The following DPY19L1 variants were observed in gnomAD, a reference collection of about 807,000 sequenced individuals.
DPY19L1 encodes the protein dpy-19 like C-mannosyltransferase 1.
A neutral mutation model predicts 96.9 loss-of-function variants in DPY19L1; 35 were observed. The observed-to-expected ratio is 0.36, with a 90% confidence interval of 0.28 to 0.48. The LOEUF (loss-of-function observed/expected upper bound fraction) is 0.48. DPY19L1 is among the 20% of genes least tolerant of loss of function. The probability of loss-of-function intolerance (pLI) is 0.99; values close to 1 mark genes in which losing one functional copy is unlikely to be tolerated. For missense variants in DPY19L1, 521 were observed against 777.9 expected, an observed-to-expected ratio of 0.67 and a Z score of 3.93; for synonymous variants, 205 against 252.6, an observed-to-expected ratio of 0.81 and a Z score of 1.79.
intron 4 of DPY19L1, among the ~76,000 whole-genome samples, chr7:35,011,939 T>C (rs1256278704): frequency 6.6e-6 from 1 of 152,226 alleles, no homozygotes; most frequent in African/African-American, 2.4e-5. Context: ...ATTAAAATAG[T>C]GTGATACTGG....
chr7:35,031,197 C>A (rs1786251486), intron 1 of DPY19L1, among the ~76,000 whole-genome samples: 1 of 152,174 alleles, frequency 6.6e-6, no homozygotes, highest in African/African-American at 2.4e-5. Flanking sequence ...CAGATTCAAC[C>A]AACCTCAGAT....
intron 7 of DPY19L1, chr7:34,988,353 T>G (rs1019991759): frequency 1.3e-5 from 2 of 152,050 alleles, no homozygotes; most frequent in African/African-American, 4.8e-5. Context: ...GGTCATTCCC[T>G]CAGAATCTGT....
chr7:34,948,420 A>T (rs1245859454), intron 14 of DPY19L1, among the ~76,000 whole-genome samples: 1 of 152,108 alleles, frequency 6.6e-6, no homozygotes, highest in Non-Finnish European at 1.5e-5. Flanking sequence ...CCTCTTCTCC[A>T]CTGTATAGGT....
At chr7:34,940,127 T>C (rs756987922) in intron 19 of DPY19L1, 26 bp downstream of exon 19, 19 of 1,441,284 alleles carry the variant, frequency 1.3e-5, no homozygotes, top group Non-Finnish European at 1.6e-5. Context: ...ATAATATGAC[T>C]TTTTTTTTCT....
rs1784215316 is a variant in DPY19L1, at chr7:34,949,153, T to C, written c.1422+644A>G. 1.3e-5 allele frequency among the ~76,000 whole-genome samples: 2 copies of C among 152,314 alleles called. 1 individual carries two copies. Among genetic ancestry groups the C allele is most frequent in the South Asian group, 4.1e-4 (2 of 4,828 alleles). ...TCGAACTAAACCAGCTCATAAAGTA[T>C]TGCAAATTAATATTTTATTTATTTA... On this transcript the variant is annotated intron_variant, in intron 14 of 21. Transcript: ENST00000638088.
intron 9 of DPY19L1, 111 bp downstream of exon 9, chr7:34,969,322 T>C (rs2128667696): frequency 7.9e-6 from 4 of 508,514 alleles, no homozygotes; most frequent in Middle Eastern, 5.9e-4. Context: ...GAAAATGTTT[T>C]AGTGTTTTAG....
At chr7:35,037,790 G>A, upstream of DPY19L1, 11 of 1,205,188 alleles carry the variant, frequency 9.1e-6, no homozygotes, top group East Asian at 3.3e-5. Context: ...GGCGGGGCCC[G>A]ACCCCTCTGG....
chr7:34,973,617 A>T lies in DPY19L1; in HGVS notation c.823-12T>A, dbSNP rs368721585. The T allele has an allele frequency of 1.4e-6, 2 of 1,415,622 alleles. No individual in the cohort carries two copies. Among genetic ancestry groups the T allele is most frequent in the African/African-American group, 1.5e-5 (1 of 68,258 alleles). 87.7% of individuals were successfully genotyped at this position (1,415,622 alleles called of 1,614,324 possible). On this transcript the variant is annotated splice_polypyrimidine_tract_variant and intron_variant, in intron 7 of 21. Transcript: ENST00000638088. ...ATTACACGGGTACACTGAAAAAAAA[A>T]ATTTGTAGTATAGTATACTTGCTAA...
intron 7 of DPY19L1, among the ~76,000 whole-genome samples, chr7:34,984,472 C>A (rs923780579): frequency 1.3e-5 from 2 of 152,154 alleles, no homozygotes; most frequent in Non-Finnish European, 2.9e-5. Flanking sequence ...TGAAGAGTGA[C>A]GTGAGACAAA....
chr7:34,986,405 A>G (rs1279165836), intron 7 of DPY19L1, among the ~76,000 whole-genome samples: 1 of 152,058 alleles, frequency 6.6e-6, no homozygotes, highest in Admixed American at 6.6e-5. Flanking sequence ...ACTGTACCCC[A>G]CTAATATCTA....
chr7:35,009,530 C>A (rs953285171), intron 6 of DPY19L1, among the ~76,000 whole-genome samples: 10 of 152,168 alleles, frequency 6.6e-5, no homozygotes, highest in African/African-American at 2.4e-4. Context: ...ACAGAAGACA[C>A]TTCTAAATAT....
chr7:34,990,071 CTTA>C (rs1785134424), intron 6 of DPY19L1, 130 bp from the exon 7 acceptor site: 1 of 506,106 alleles, frequency 2.0e-6, no homozygotes, highest in Non-Finnish European at 3.3e-6. Flanking sequence ...CTCTCCTATG[CTTA>C]TTTACAAAAT....
intron 6 of DPY19L1, among the ~76,000 whole-genome samples, chr7:34,994,526 C>A (rs897914695): frequency 6.6e-6 from 1 of 152,122 alleles, no homozygotes; most frequent in African/African-American, 2.4e-5. Flanking sequence ...AATTCCCTGG[C>A]GGGGCGCGGT....
rs189890098 is a variant in DPY19L1 at position 34,963,087 on chromosome 7, C to T, written c.1092+3807G>A. Reference sequence around the variant, plus strand: ...GCACATGCCTCTAATCCCAGCTGCTCGGAAGGCTGAGGCAGGAGAATCGCT... The same window carrying T: ...GCACATGCCTCTAATCCCAGCTGCTTGGAAGGCTGAGGCAGGAGAATCGCT... On this transcript the variant is annotated intron_variant, in intron 10 of 21. Transcript: ENST00000638088. 2.3e-3 allele frequency among the ~76,000 whole-genome samples: 347 copies of T among 149,518 alleles called. 2 individuals carry two copies. Among genetic ancestry groups the T allele is most frequent in the African/African-American group, 8.2e-3 (336 of 40,732 alleles).
At chr7:34,942,370 G>A (rs1275263709) in intron 17 of DPY19L1, among the ~76,000 whole-genome samples, 1 of 152,148 alleles carries the variant, frequency 6.6e-6, no homozygotes, top group African/African-American at 2.4e-5. Flanking sequence ...GTCTAAATGG[G>A]CTCCAGAAAT....
chr7:35,014,512 T>C (rs1785795060), intron 3 of DPY19L1, among the ~76,000 whole-genome samples: 1 of 152,194 alleles, frequency 6.6e-6, no homozygotes, highest in South Asian at 2.1e-4. Context: ...CAGTTTTCCC[T>C]GGAGCTGCCC....
rs1226376815 is a variant in DPY19L1 at position 34,928,892 on chromosome 7, GA to G, written c.*2680del. On this transcript the variant is annotated 3_prime_UTR_variant, in exon 22 of 22. Coordinates refer to ENST00000638088, the MANE Select transcript of DPY19L1 (RefSeq NM_001366673.1). ...GAAAAACACTTCCCTCATTACTCAT[GA>G]TTTTTTTTAATTTAACATATATAGT... is the stretch of plus-strand genomic sequence containing the variant. The G allele has an allele frequency of 2.0e-5, 3 of 152,070 alleles. No individual in the cohort carries two copies. The highest frequency in any genetic ancestry group is 2.1e-4 in the South Asian group (1 of 4,822). The allele number at this position is 152,070 out of a possible 1,614,324, so 9.4% of individuals were successfully genotyped here.
chr7:35,010,362 G>A (rs556955081), intron 6 of DPY19L1, 106 bp downstream of exon 6: 1 of 667,062 alleles, frequency 1.5e-6, no homozygotes, highest in East Asian at 2.9e-5. Context: ...AGATATTTTA[G>A]GATATTTTCA....
chr7:34,995,723 ACT>A (rs1409425149), intron 6 of DPY19L1, among the ~76,000 whole-genome samples: 37 of 152,258 alleles, frequency 2.4e-4, no homozygotes, highest in Admixed American at 2.2e-3. Context: ...ATATTAAATA[ACT>A]CTTACGATTT....
Sources: gnomAD v4.1 joint callset for allele counts (sites outside exome capture counted in the v4.1 genomes callset) on GRCh38, gnomAD v4.1.1 for gene constraint, MANE v1.5 for transcripts, NCBI Gene and HGNC (gene_info 2026-07-23, HGNC 2026-07-21) for gene names.